The following CEP63 variants were observed in gnomAD, a reference collection of about 807,000 sequenced individuals.
The protein encoded by CEP63 is centrosomal protein of 63 kDa.
In CEP63, 84 loss-of-function variants were observed where a neutral mutation model predicts 89.1. That is an observed-to-expected ratio of 0.94 (90% CI 0.79 to 1.13). The LOEUF (loss-of-function observed/expected upper bound fraction) is 1.13, where lower values mean the gene tolerates loss of function less well. CEP63 is among the 50% of genes most tolerant of loss of function. The pLI, the probability that CEP63 is intolerant of heterozygous loss-of-function variation, is 0.00. For synonymous variants in CEP63, 267 were observed against 272.5 expected (o/e 0.98, Z 0.20); for missense variants, 838 against 813.3 (o/e 1.03, Z -0.37).
At chr3:134,604,003 G>C in the CEP63 span, 2 of 1,613,918 alleles carry the variant, frequency 1.2e-6, no homozygotes, top group South Asian at 2.2e-5. Flanking sequence ...TTTCAGCTCG[G>C]TCTGCTTCTC....
chr3:134,781,330 A>G, the CEP63 span, among the ~76,000 whole-genome samples: 4 of 152,216 alleles, frequency 2.6e-5, no homozygotes, highest in African/African-American at 9.7e-5. Flanking sequence ...TAAACACAGT[A>G]TATCTCTCCA....
intron 5 of CEP63, 149 bp downstream of exon 5, chr3:134,533,049 A>G (rs1030322992): frequency 2.5e-6 from 2 of 796,238 alleles, no homozygotes; most frequent in Admixed American, 2.1e-5. Flanking sequence ...GTGATCCACC[A>G]TACATCCTAT....
chr3:134,710,841 C>T, the CEP63 span, among the ~76,000 whole-genome samples: 1 of 151,750 alleles, frequency 6.6e-6, no homozygotes, highest in Admixed American at 6.6e-5. Flanking sequence ...CCTGCCTCAG[C>T]CTCCCAAGTA....
chr3:134,694,253 C>T, the CEP63 span, among the ~76,000 whole-genome samples: 40 of 152,186 alleles, frequency 2.6e-4, no homozygotes, highest in African/African-American at 9.2e-4. Context: ...TGCAGCTGCA[C>T]GCCTGCTCTC....
the CEP63 span, among the ~76,000 whole-genome samples, chr3:134,700,184 A>T: frequency 6.6e-6 from 1 of 152,160 alleles, no homozygotes; most frequent in Non-Finnish European, 1.5e-5. Flanking sequence ...GCCAATATTC[A>T]GTCCTTCAGG....
chr3:134,690,363 C>A, the CEP63 span, among the ~76,000 whole-genome samples: 16 of 152,140 alleles, frequency 1.1e-4, no homozygotes, highest in African/African-American at 3.9e-4. Context: ...TAAAAGCTTC[C>A]TGTATTTCCG....
chr3:134,721,369 T>C, the CEP63 span, among the ~76,000 whole-genome samples: 1 of 152,110 alleles, frequency 6.6e-6, no homozygotes, highest in Non-Finnish European at 1.5e-5. Context: ...CCAGTTGTGT[T>C]TTAGTAGATT....
chr3:134,736,901 A>G, the CEP63 span, among the ~76,000 whole-genome samples: 2 of 152,316 alleles, frequency 1.3e-5, no homozygotes, highest in African/African-American at 4.8e-5. Flanking sequence ...ATCCTAGCAC[A>G]TAACAATAAT....
the CEP63 span, among the ~76,000 whole-genome samples, chr3:134,615,669 G>C: frequency 2.5e-4 from 38 of 150,294 alleles, 1 homozygote; most frequent in African/African-American, 8.8e-4. Flanking sequence ...CTATAAGGGT[G>C]GGGGAGCTAA....
intron 3 of CEP63, among the ~76,000 whole-genome samples, chr3:134,517,730 C>T (rs1344657871): frequency 1.3e-5 from 2 of 151,986 alleles, no homozygotes; most frequent in Non-Finnish European, 2.9e-5. Flanking sequence ...GAGGAAATCA[C>T]AATGGAAATT....
At chr3:134,623,100 G>A in the CEP63 span, among the ~76,000 whole-genome samples, 5 of 152,232 alleles carry the variant, frequency 3.3e-5, no homozygotes, top group Admixed American at 3.3e-4. Context: ...CTGCACTGCA[G>A]CCTGGAGTCC....
At chr3:134,719,318 T>A in the CEP63 span, among the ~76,000 whole-genome samples, 1 of 152,184 alleles carries the variant, frequency 6.6e-6, no homozygotes, top group East Asian at 1.9e-4. Context: ...ATGCAGAATC[T>A]TAAGCTCCAT....
At chr3:134,731,129 T>A in the CEP63 span, among the ~76,000 whole-genome samples, 1 of 152,128 alleles carries the variant, frequency 6.6e-6, no homozygotes, top group African/African-American at 2.4e-5. Context: ...AAAGTGAAAT[T>A]TGACAGACCA....
chr3:134,756,949 C>G, the CEP63 span, among the ~76,000 whole-genome samples: 4 of 152,144 alleles, frequency 2.6e-5, no homozygotes, highest in African/African-American at 7.2e-5. Flanking sequence ...GGCAGAGAAT[C>G]TTGTAGCAAT....
chr3:134,756,232 A>G, the CEP63 span, among the ~76,000 whole-genome samples: 1 of 152,212 alleles, frequency 6.6e-6, no homozygotes, highest in African/African-American at 2.4e-5. Context: ...ACAATTCCCT[A>G]TGGCCTTTGT....
the CEP63 span, among the ~76,000 whole-genome samples, chr3:134,695,485 C>T: frequency 2.6e-5 from 4 of 152,124 alleles, no homozygotes; most frequent in African/African-American, 9.7e-5. Flanking sequence ...ATCAGAGACC[C>T]GACTCACAGG....
the CEP63 span, among the ~76,000 whole-genome samples, chr3:134,775,717 A>G: frequency 1.3e-5 from 2 of 152,164 alleles, no homozygotes; most frequent in African/African-American, 4.8e-5. Flanking sequence ...GGGAAACCTC[A>G]GATTTCTTGA....
chr3:134,671,459 A>G, the CEP63 span, among the ~76,000 whole-genome samples: 1 of 152,252 alleles, frequency 6.6e-6, no homozygotes, highest in Non-Finnish European at 1.5e-5. Flanking sequence ...CATGTAACAA[A>G]TGTGCACATG....
the CEP63 span, among the ~76,000 whole-genome samples, chr3:134,710,506 G>T: frequency 6.6e-6 from 1 of 152,170 alleles, no homozygotes; most frequent in Non-Finnish European, 1.5e-5. Context: ...TGTTTTTACA[G>T]AAATAACACG....
Sources: allele counts gnomAD v4.1 joint callset (sites outside exome capture counted in the v4.1 genomes callset), GRCh38; gene constraint gnomAD v4.1.1; transcripts MANE v1.5; gene names NCBI Gene and HGNC (gene_info 2026-07-23, HGNC 2026-07-21).